The following MACROD2 variants were observed in gnomAD, a reference collection of about 807,000 sequenced individuals.
MACROD2 encodes the protein mono-ADP ribosylhydrolase 2, also known as ADP-ribose glycohydrolase MACROD2.
A neutral mutation model predicts 70.4 loss-of-function variants in MACROD2; 36 were observed. The ratio of observed to expected loss-of-function variants is 0.51; its 90% confidence interval spans 0.39 to 0.68. The LOEUF (loss-of-function observed/expected upper bound fraction) is 0.68. Ranked by LOEUF, MACROD2 falls within the 30% of genes least tolerant of loss-of-function variation. The probability of loss-of-function intolerance (pLI) is 0.00; values close to 1 mark genes in which losing one functional copy is unlikely to be tolerated. For missense variants in MACROD2, 496 were observed against 538.4 expected (o/e 0.92, Z 0.78); for synonymous variants, 172 against 178.8 (o/e 0.96, Z 0.30).
intron 6 of MACROD2, among the ~76,000 whole-genome samples, chr20:15,392,927 A>G (rs1029401476): frequency 2.3e-4 from 35 of 151,704 alleles, no homozygotes; most frequent in Admixed American, 3.9e-4. Context: ...GCTACCTAGG[A>G]CATGCCTTAT....
At chr20:15,375,873 A>C (rs1169453408) in intron 6 of MACROD2, among the ~76,000 whole-genome samples, 3 of 152,190 alleles carry the variant, frequency 2.0e-5, no homozygotes, top group Admixed American at 2.0e-4. Context: ...TCTCAAGGTT[A>C]TCCAGCTAAT....
chr20:14,076,216 C>T (rs1430110346), intron 2 of MACROD2, among the ~76,000 whole-genome samples: 1 of 151,986 alleles, frequency 6.6e-6, no homozygotes, highest in South Asian at 2.1e-4. Context: ...ATTTTTCTAC[C>T]TAAGGATAGT....
chr20:14,246,152 C>T (rs1411055455), intron 3 of MACROD2, among the ~76,000 whole-genome samples: 1 of 152,110 alleles, frequency 6.6e-6, no homozygotes, highest in Non-Finnish European at 1.5e-5. Flanking sequence ...TTGCTTCTAC[C>T]TGAAGGAGTA....
At chr20:15,712,954 C>G (rs6034272) in intron 8 of MACROD2, among the ~76,000 whole-genome samples, 129,458 of 152,272 alleles carry the variant, frequency 0.85, 55,502 homozygotes, top group African/African-American at 0.94. Context: ...TTCACCTCCA[C>G]TATTCTCACT....
At chr20:15,741,215 C>T (rs372232894) in intron 8 of MACROD2, among the ~76,000 whole-genome samples, 3 of 151,656 alleles carry the variant, frequency 2.0e-5, no homozygotes, top group East Asian at 3.9e-4. Context: ...CCTCAGCCTC[C>T]CAAGTAGCTG....
chr20:14,924,300 G>C (rs952539119), intron 5 of MACROD2, among the ~76,000 whole-genome samples: 1 of 151,956 alleles, frequency 6.6e-6, no homozygotes, highest in Non-Finnish European at 1.5e-5. Flanking sequence ...TTAGCCTGGC[G>C]TGGTGGTACA....
intron 8 of MACROD2, among the ~76,000 whole-genome samples, chr20:15,724,383 C>CT (rs2050831569): frequency 6.6e-6 from 1 of 152,156 alleles, no homozygotes; most frequent in South Asian, 2.1e-4. Context: ...ATGCTATTCT[C>CT]TAAGAGTCTT....
chr20:14,273,754 T>C (rs1463052450), intron 3 of MACROD2, among the ~76,000 whole-genome samples: 1 of 152,004 alleles, frequency 6.6e-6, no homozygotes, highest in East Asian at 1.9e-4. Flanking sequence ...CTAGCAAGAC[T>C]CATAAAGAAG....
At chr20:15,168,780 G>T (rs2076403752) in intron 5 of MACROD2, among the ~76,000 whole-genome samples, 1 of 152,030 alleles carries the variant, frequency 6.6e-6, no homozygotes, top group Admixed American at 6.6e-5. Flanking sequence ...TTAGGAATTT[G>T]AGACCAGCCT....
chr20:15,592,780 G>T (rs946985376), intron 8 of MACROD2, among the ~76,000 whole-genome samples: 3 of 152,094 alleles, frequency 2.0e-5, no homozygotes, highest in Non-Finnish European at 4.4e-5. Flanking sequence ...GCAATCTCAG[G>T]TATAAAATAT....
At chr20:15,811,186 C>T (rs1235794654) in intron 8 of MACROD2, among the ~76,000 whole-genome samples, 1 of 152,042 alleles carries the variant, frequency 6.6e-6, no homozygotes, top group African/African-American at 2.4e-5. Context: ...ACAACCTACT[C>T]ATCTGACAAA....
At chr20:15,997,784 G>T (rs1379228492) in intron 15 of MACROD2, among the ~76,000 whole-genome samples, 1 of 152,264 alleles carries the variant, frequency 6.6e-6, no homozygotes, top group Admixed American at 6.5e-5. Flanking sequence ...TAGAGGAAAA[G>T]CCTTCAGCTT....
intron 5 of MACROD2, among the ~76,000 whole-genome samples, chr20:15,085,876 ACAC>A (rs2075744705): frequency 6.0e-5 from 3 of 50,138 alleles, no homozygotes; most frequent in African/African-American, 2.5e-4. Flanking sequence ...CACACACAAC[ACAC>A]ACACACACAC....
At chr20:14,746,462 G>T (rs1177477814) in intron 5 of MACROD2, among the ~76,000 whole-genome samples, 1 of 152,080 alleles carries the variant, frequency 6.6e-6, no homozygotes, top group African/African-American at 2.4e-5. Context: ...ACTATCTAAG[G>T]TTAAAAAATT....
chr20:14,448,309 T>A (rs1173484909), intron 3 of MACROD2, among the ~76,000 whole-genome samples: 2 of 152,046 alleles, frequency 1.3e-5, no homozygotes, highest in Non-Finnish European at 2.9e-5. Context: ...CCTATGAATG[T>A]CCAGAGATGT....
chr20:14,647,120 C>A (rs1468799247), intron 4 of MACROD2, among the ~76,000 whole-genome samples: 2 of 152,222 alleles, frequency 1.3e-5, no homozygotes, highest in Admixed American at 6.5e-5. Flanking sequence ...TTAAACTATT[C>A]TCTTCAACAC....
intron 3 of MACROD2, among the ~76,000 whole-genome samples, chr20:14,115,349 T>C (rs191181667): frequency 6.6e-6 from 1 of 152,276 alleles, no homozygotes; most frequent in Admixed American, 6.5e-5. Context: ...ACATTTCTGA[T>C]TTACTATTTA....
chr20:14,981,083 CTAACT>C (rs201759760), intron 5 of MACROD2, among the ~76,000 whole-genome samples: 3,216 of 150,090 alleles, frequency 0.021, 67 homozygotes, highest in Admixed American at 0.048. Flanking sequence ...TGTGTCCCAC[CTAACT>C]TAAGAGTTTG....
chr20:15,034,454 C>T (rs1160862891), intron 5 of MACROD2, among the ~76,000 whole-genome samples: 3 of 152,098 alleles, frequency 2.0e-5, no homozygotes, highest in Non-Finnish European at 4.4e-5. Flanking sequence ...CTTTCCTTTC[C>T]CCCAGCCCCC....
Sources: gnomAD v4.1 joint callset for allele counts (sites outside exome capture counted in the v4.1 genomes callset) on GRCh38, gnomAD v4.1.1 for gene constraint, MANE v1.5 for transcripts, NCBI Gene and HGNC (gene_info 2026-07-23, HGNC 2026-07-21) for gene names.